The following COL25A1 variants were observed in gnomAD, a reference collection of about 807,000 sequenced individuals.
COL25A1 encodes the protein collagen alpha-1(XXV) chain.
Under a neutral mutation model 128.4 loss-of-function variants are expected in COL25A1, and 103 were observed. The observed-to-expected ratio is 0.80, with a 90% CI of 0.68 to 0.94. COL25A1 has a LOEUF of 0.94. Ranked by LOEUF, COL25A1 falls within the 40% of genes least tolerant of loss-of-function variation. The pLI, the probability that COL25A1 is intolerant of heterozygous loss-of-function variation, is 0.00. For missense variants in COL25A1, 745 were observed against 840.0 expected (o/e 0.89, Z 1.40); for synonymous variants, 279 against 277.2 (o/e 1.01, Z -0.06).
intron 3 of COL25A1, among the ~76,000 whole-genome samples, chr4:109,266,297 C>T (rs1038160796): frequency 1.3e-5 from 2 of 152,068 alleles, no homozygotes; most frequent in African/African-American, 2.4e-5. Context: ...TTATAATTTG[C>T]TTGGCAGGCT....
intron 11 of COL25A1, among the ~76,000 whole-genome samples, chr4:108,926,006 A>G (rs111529364): frequency 2.6e-5 from 4 of 152,354 alleles, no homozygotes; most frequent in African/African-American, 9.6e-5. Flanking sequence ...TAAGAAAAGA[A>G]TGACTCTGTG....
intron 8 of COL25A1, among the ~76,000 whole-genome samples, chr4:108,952,525 G>A (rs1400335334): frequency 6.6e-6 from 1 of 152,074 alleles, no homozygotes; most frequent in African/African-American, 2.4e-5. Context: ...TTTGAATTGT[G>A]GAGCTCAAAT....
chr4:109,206,920 C>G (rs1777049580), intron 3 of COL25A1, among the ~76,000 whole-genome samples: 1 of 152,182 alleles, frequency 6.6e-6, no homozygotes, highest in Non-Finnish European at 1.5e-5. Flanking sequence ...TGGCCTCCAA[C>G]TCAACCAAAT....
chr4:109,241,327 C>T (rs1310028199), intron 3 of COL25A1, among the ~76,000 whole-genome samples: 1 of 151,988 alleles, frequency 6.6e-6, no homozygotes, highest in Middle Eastern at 3.2e-3. Context: ...CAACATTCTC[C>T]CTTAAATGCC....
At chr4:108,960,587 T>C (rs1486281651) in intron 8 of COL25A1, among the ~76,000 whole-genome samples, 3 of 152,164 alleles carry the variant, frequency 2.0e-5, no homozygotes, top group African/African-American at 7.2e-5. Flanking sequence ...TAACTTCTGT[T>C]AAATTCAAGG....
At chr4:109,087,840 T>C (rs2126003729) in intron 3 of COL25A1, among the ~76,000 whole-genome samples, 1 of 152,112 alleles carries the variant, frequency 6.6e-6, no homozygotes, top group East Asian at 1.9e-4. Flanking sequence ...TTGGGTCAAA[T>C]AGCTGCAGTG....
chr4:109,176,065 C>T (rs534808046), intron 3 of COL25A1, among the ~76,000 whole-genome samples: 19 of 152,230 alleles, frequency 1.2e-4, no homozygotes, highest in African/African-American at 4.3e-4. Flanking sequence ...CAGACACCTA[C>T]CAGGGCCACC....
chr4:109,148,664 C>G (rs1771183199), intron 3 of COL25A1, among the ~76,000 whole-genome samples: 1 of 152,168 alleles, frequency 6.6e-6, no homozygotes, highest in Non-Finnish European at 1.5e-5. Context: ...TTCTATTTCT[C>G]ATTTACAATT....
At chr4:109,057,048 C>T (rs532960752) in intron 3 of COL25A1, among the ~76,000 whole-genome samples, 2 of 152,214 alleles carry the variant, frequency 1.3e-5, no homozygotes, top group Admixed American at 6.5e-5. Flanking sequence ...TTTGTAGAGA[C>T]AAGGTCTCAC....
intron 3 of COL25A1, among the ~76,000 whole-genome samples, chr4:109,123,529 T>C (rs1029697457): frequency 5.9e-5 from 9 of 151,926 alleles, no homozygotes; most frequent in Non-Finnish European, 1.3e-4. Flanking sequence ...AAATAGAGTT[T>C]AGGTAAATTA....
chr4:108,825,195 C>T lies in COL25A1; in HGVS notation c.1791+1G>A. 1.9e-6 allele frequency: 3 copies of T among 1,609,280 alleles called. No homozygotes were observed. The highest frequency in any genetic ancestry group is 2.6e-6 in the Non-Finnish European group (3 of 1,175,886). ...TGATGTTTATTGTACTTATTACTTA[C>T]ATCAAGACCAGGCTCTCCATCTTTC... On this transcript the variant is annotated splice_donor_variant, in intron 34 of 37. Coordinates refer to ENST00000399132, the MANE Select transcript of COL25A1 (RefSeq NM_198721.4). LOFTEE classifies it high-confidence loss of function.
intron 3 of COL25A1, among the ~76,000 whole-genome samples, chr4:109,253,878 G>A (rs962918267): frequency 2.6e-5 from 4 of 152,128 alleles, no homozygotes; most frequent in African/African-American, 9.7e-5. Context: ...ACGAGGTCAG[G>A]AGATTGAGAC....
At position 108,985,384 on chromosome 4, in the gene COL25A1, G is replaced by A. The variant is rs140721598; in HGVS notation, c.439-10825C>T. On this transcript the variant is annotated intron_variant, in intron 6 of 37. Coordinates refer to ENST00000399132, the MANE Select transcript of COL25A1 (RefSeq NM_198721.4). ...GACAAGGGGAAGCAAAGCTGCCTTT[G>A]CCCATTACTCCCTCATTTTAATGTC... 2.2e-4 allele frequency among the ~76,000 whole-genome samples: 33 copies of A among 152,248 alleles called. No individual in the cohort carries two copies. The East Asian group carries it at 5.8e-3, about 27-fold the overall frequency.
chr4:109,302,094 G>A lies in COL25A1; in HGVS notation c.-56-19C>T. 4 of 1,475,902 alleles carry A rather than the reference G, an allele frequency of 2.7e-6. No homozygotes were observed. The highest frequency in any genetic ancestry group is 3.6e-6 in the Non-Finnish European group (4 of 1,119,696). The allele number at this position is 1,475,902 out of a possible 1,614,324, so 91.4% of individuals were successfully genotyped here. ...AATAATCCTAAAAGGAAAGAAAAAG[G>A]TCGATTCCTCCAAAGTTCAGTCCCT... is the stretch of plus-strand genomic sequence containing the variant. On this transcript the variant is annotated intron_variant, in intron 1 of 37. Transcript: ENST00000399132.
chr4:108,983,841 A>T (rs1430668696), intron 6 of COL25A1, among the ~76,000 whole-genome samples: 1 of 152,100 alleles, frequency 6.6e-6, no homozygotes, highest in Non-Finnish European at 1.5e-5. Flanking sequence ...TGCAGCTCAT[A>T]ATGGCAGTGT....
intron 3 of COL25A1, among the ~76,000 whole-genome samples, chr4:109,086,889 T>C (rs1256396433): frequency 1.3e-5 from 2 of 152,160 alleles, no homozygotes; most frequent in African/African-American, 4.8e-5. Context: ...ATTATCAAAA[T>C]ACCGCAAATA....
At chr4:108,822,216 G>A (rs929880771) in intron 35 of COL25A1, among the ~76,000 whole-genome samples, 1 of 151,220 alleles carries the variant, frequency 6.6e-6, no homozygotes, top group Non-Finnish European at 1.5e-5. Context: ...GCTAATTTTT[G>A]TATTTTTAGT....
At chr4:108,875,611 G>T (rs1048014130) in intron 19 of COL25A1, among the ~76,000 whole-genome samples, 9 of 152,188 alleles carry the variant, frequency 5.9e-5, no homozygotes, top group Admixed American at 5.9e-4. Context: ...TACACTGTTG[G>T]TGGGACTGTA....
intron 3 of COL25A1, among the ~76,000 whole-genome samples, chr4:109,160,697 G>A (rs993642512): frequency 6.6e-6 from 1 of 152,112 alleles, no homozygotes; most frequent in African/African-American, 2.4e-5. Context: ...AGGTCAGCAG[G>A]AAGAGCTCTA....
Sources: allele counts gnomAD v4.1 joint callset (sites outside exome capture counted in the v4.1 genomes callset), GRCh38; gene constraint gnomAD v4.1.1; transcripts MANE v1.5; gene names NCBI Gene and HGNC (gene_info 2026-07-23, HGNC 2026-07-21).